RPH3A: variants seen among roughly 807,000 people sequenced by gnomAD.
RPH3A encodes the protein rabphilin 3A, also known as rabphilin-3A.
RPH3A carries 48 observed loss-of-function variants against 102.2 expected under a neutral mutation model. That is an observed-to-expected ratio of 0.47 (90% CI 0.37 to 0.60). RPH3A has a LOEUF of 0.60. RPH3A is among the 20% of genes least tolerant of loss of function. The pLI, the probability that RPH3A is intolerant of heterozygous loss-of-function variation, is 0.00. For missense variants in RPH3A, 781 were observed against 910.1 expected (o/e 0.86, Z 1.83); for synonymous variants, 310 against 324.3 (o/e 0.96, Z 0.47).
At chr12:112,673,700 C>T (rs1182000026) in intron 1 of RPH3A, among the ~76,000 whole-genome samples, 1 of 152,152 alleles carries the variant, frequency 6.6e-6, no homozygotes, top group East Asian at 1.9e-4. Flanking sequence ...CAATCACACT[C>T]TTTGTTTTAA....
At chr12:112,622,314 A>C (rs2039737126) in intron 1 of RPH3A, among the ~76,000 whole-genome samples, 1 of 62,968 alleles carries the variant, frequency 1.6e-5, no homozygotes, top group African/African-American at 1.6e-4. Context: ...CTTTGAAAAA[A>C]ATTTAGAAGA....
At chr12:112,828,783 A>G (rs1381670745) in intron 3 of RPH3A, among the ~76,000 whole-genome samples, 4 of 152,248 alleles carry the variant, frequency 2.6e-5, no homozygotes, top group African/African-American at 9.6e-5. Flanking sequence ...ACAAACTGGC[A>G]GACTCTGACT....
At chr12:112,721,768 C>A (rs1053282928) in intron 1 of RPH3A, among the ~76,000 whole-genome samples, 3 of 151,454 alleles carry the variant, frequency 2.0e-5, no homozygotes, top group Non-Finnish European at 4.4e-5. Flanking sequence ...TGAGATATGG[C>A]CACATTAGAT....
intron 13 of RPH3A, among the ~76,000 whole-genome samples, chr12:112,878,351 C>T (rs1324080470): frequency 2.0e-5 from 3 of 152,170 alleles, no homozygotes; most frequent in Non-Finnish European, 2.9e-5. Flanking sequence ...TAACTTATCC[C>T]GGCTGTTTAT....
chr12:112,710,466 G>C (rs1488110823), intron 1 of RPH3A, among the ~76,000 whole-genome samples: 1 of 152,188 alleles, frequency 6.6e-6, no homozygotes, highest in Non-Finnish European at 1.5e-5. Flanking sequence ...CTTGTACCCT[G>C]TAAAGTCCCC....
At chr12:112,872,760 G>T (rs2042729414) in intron 10 of RPH3A, among the ~76,000 whole-genome samples, 1 of 152,016 alleles carries the variant, frequency 6.6e-6, no homozygotes, top group Non-Finnish European at 1.5e-5. Flanking sequence ...ATATTATTTT[G>T]TCTTCTGAGG....
intron 1 of RPH3A, among the ~76,000 whole-genome samples, chr12:112,612,698 G>C (rs1368026922): frequency 4.0e-5 from 6 of 151,488 alleles, no homozygotes; most frequent in African/African-American, 1.5e-4. Flanking sequence ...CTGAGCAGCT[G>C]GGACTACAGG....
chr12:112,817,717 T>C (rs1306645330), intron 2 of RPH3A, among the ~76,000 whole-genome samples: 2 of 152,168 alleles, frequency 1.3e-5, no homozygotes, highest in South Asian at 2.1e-4. Flanking sequence ...GTGTTGTTTA[T>C]TGTCACTGAA....
At chr12:112,613,462 C>T (rs1344699799) in intron 1 of RPH3A, among the ~76,000 whole-genome samples, 2 of 152,114 alleles carry the variant, frequency 1.3e-5, no homozygotes, top group African/African-American at 4.8e-5. Flanking sequence ...TGTCCATGTC[C>T]TAATTCTGGA....
chr12:112,626,753 T>G (rs1303267436), intron 1 of RPH3A, among the ~76,000 whole-genome samples: 1 of 53,442 alleles, frequency 1.9e-5, no homozygotes, highest in African/African-American at 7.9e-5. Flanking sequence ...TAAAGACACA[T>G]GCACACGTAT....
chr12:112,804,538 T>A lies in RPH3A; in HGVS notation c.-19+12275T>A, dbSNP rs544512909. 3.3e-5 allele frequency among the ~76,000 whole-genome samples: 5 copies of A among 152,346 alleles called. No individual in the cohort carries two copies. In the East Asian group the frequency reaches 7.7e-4, roughly 23 times the overall value. ...TTGGTTGGTTGAAGCCTGGGATGTA[T>A]GTGTGCACCAGGCAGGTGTGGCCCT... is the stretch of plus-strand genomic sequence containing the variant. On this transcript the variant is annotated intron_variant, in intron 2 of 21. Coordinates refer to ENST00000389385, the MANE Select transcript of RPH3A (RefSeq NM_001143854.2).
intron 1 of RPH3A, among the ~76,000 whole-genome samples, chr12:112,650,216 T>A (rs946228233): frequency 1.3e-5 from 2 of 152,210 alleles, no homozygotes; most frequent in Admixed American, 6.5e-5. Flanking sequence ...CATTACCTCA[T>A]CTCTAATTTT....
intron 1 of RPH3A, among the ~76,000 whole-genome samples, chr12:112,618,675 T>C (rs553344958): frequency 2.6e-5 from 4 of 152,344 alleles, no homozygotes; most frequent in South Asian, 4.1e-4. Flanking sequence ...TATTATTTTA[T>C]AATTTGCCTT....
intron 1 of RPH3A, among the ~76,000 whole-genome samples, chr12:112,735,456 G>T (rs576143851): frequency 2.6e-5 from 4 of 152,320 alleles, no homozygotes; most frequent in East Asian, 1.9e-4. Flanking sequence ...GCAGAAAAAA[G>T]CCTCTTCCAG....
At chr12:112,786,039 C>A (rs1321551093) in intron 1 of RPH3A, among the ~76,000 whole-genome samples, 1 of 152,054 alleles carries the variant, frequency 6.6e-6, no homozygotes, top group African/African-American at 2.4e-5. Flanking sequence ...GTATGGTGGT[C>A]CCATTTTATA....
chr12:112,792,715 C>T (rs2041147531), intron 2 of RPH3A, among the ~76,000 whole-genome samples: 1 of 152,208 alleles, frequency 6.6e-6, no homozygotes, highest in Non-Finnish European at 1.5e-5. Context: ...TGCCTGGGCA[C>T]ACTGGGTAAG....
intron 1 of RPH3A, among the ~76,000 whole-genome samples, chr12:112,724,123 C>A (rs895668393): frequency 7.0e-6 from 1 of 143,388 alleles, no homozygotes; most frequent in South Asian, 2.2e-4. Context: ...GTGGTGCAAT[C>A]GTGGCTCACT....
At chr12:112,777,091 T>C (rs1295316774) in intron 1 of RPH3A, among the ~76,000 whole-genome samples, 2 of 151,916 alleles carry the variant, frequency 1.3e-5, no homozygotes, top group Non-Finnish European at 2.9e-5. Context: ...AAAGGAAGAA[T>C]TAAGGCCATT....
At chr12:112,813,992 G>A (rs1264853229) in intron 2 of RPH3A, among the ~76,000 whole-genome samples, 1 of 151,450 alleles carries the variant, frequency 6.6e-6, no homozygotes, top group Non-Finnish European at 1.5e-5. Flanking sequence ...AGTGGTTGGA[G>A]AGTGGGTATG....
Sources: allele counts gnomAD v4.1 joint callset (sites outside exome capture counted in the v4.1 genomes callset), GRCh38; gene constraint gnomAD v4.1.1; transcripts MANE v1.5; gene names NCBI Gene and HGNC (gene_info 2026-07-23, HGNC 2026-07-21).